Variants in TRAK1 observed in about 807,000 individuals in gnomAD.
TRAK1 encodes the protein trafficking kinesin-binding protein 1.
TRAK1 carries 33 observed loss-of-function variants against 92.1 expected under a neutral mutation model. The ratio of observed to expected loss-of-function variants is 0.36; its 90% CI spans 0.27 to 0.48. The LOEUF is 0.48. TRAK1 is among the 20% of genes least tolerant of loss of function. The probability of loss-of-function intolerance (pLI) is 0.99; values close to 1 mark genes in which losing one functional copy is unlikely to be tolerated. For missense variants in TRAK1, 1,123 were observed against 1,257.9 expected (o/e 0.89, Z 1.62); for synonymous variants, 521 against 517.3 (o/e 1.01, Z -0.10).
chr3:42,076,115 A>T (rs1434159512), intron 1 of TRAK1, among the ~76,000 whole-genome samples: 1 of 148,648 alleles, frequency 6.7e-6, no homozygotes, highest in Non-Finnish European at 1.5e-5. Context: ...AAGTGCTGGG[A>T]TTACAAGCAT....
intron 1 of TRAK1, among the ~76,000 whole-genome samples, chr3:42,035,762 G>GGCT (rs1235722839): frequency 6.6e-6 from 1 of 152,192 alleles, no homozygotes; most frequent in African/African-American, 2.4e-5. Context: ...GGGCAAAAGA[G>GGCT]GCTGCTGCCT....
At position 42,192,719 on chromosome 3, in the gene TRAK1, A is replaced by G. The variant is rs567335008; in HGVS notation, c.770-356A>G. 6.6e-5 allele frequency among the ~76,000 whole-genome samples: 10 copies of G among 152,312 alleles called. No individual in the cohort carries two copies. In the South Asian group the frequency reaches 1.0e-3, roughly 16 times the overall value. On this transcript the variant is annotated intron_variant, in intron 7 of 15. Transcript: ENST00000327628. ...GGGTTCTCTTGTGTGGAATGTGAGGATGTGGCTAGATGCACTCATGTTTTG... is the reference window on the plus strand; with the variant it reads ...GGGTTCTCTTGTGTGGAATGTGAGGGTGTGGCTAGATGCACTCATGTTTTG...
chr3:42,082,625 C>T, upstream of TRAK1, among the ~76,000 whole-genome samples: 1 of 151,176 alleles, frequency 6.6e-6, no homozygotes, highest in East Asian at 1.9e-4. Context: ...AAACAAAAAC[C>T]AGAGAAATCT....
chr3:42,149,799 C>T (rs968458281), intron 2 of TRAK1, among the ~76,000 whole-genome samples: 2 of 152,144 alleles, frequency 1.3e-5, no homozygotes, highest in East Asian at 1.9e-4. Flanking sequence ...GTGAAAGACT[C>T]CTGCAGTATG....
chr3:42,128,873 C>T (rs973484293), intron 2 of TRAK1, among the ~76,000 whole-genome samples: 5 of 152,036 alleles, frequency 3.3e-5, no homozygotes, highest in Admixed American at 1.3e-4. Context: ...GTGAAATGGA[C>T]GTGTGGAAGG....
At chr3:42,159,881 C>G (rs1455819902) in intron 2 of TRAK1, among the ~76,000 whole-genome samples, 3 of 152,240 alleles carry the variant, frequency 2.0e-5, no homozygotes, top group Admixed American at 2.0e-4. Context: ...GACAATTCCT[C>G]CGCCAGCGCC....
chr3:42,032,823 G>C (rs1478102930), intron 1 of TRAK1, among the ~76,000 whole-genome samples: 2 of 152,162 alleles, frequency 1.3e-5, no homozygotes, highest in African/African-American at 4.8e-5. Flanking sequence ...CTCAGAGGCC[G>C]AGGTGGGAGG....
At chr3:42,208,847 TG>T (rs1385129047) in intron 13 of TRAK1, among the ~76,000 whole-genome samples, 2 of 152,172 alleles carry the variant, frequency 1.3e-5, no homozygotes, top group Non-Finnish European at 2.9e-5. Context: ...AAGGGTAAAA[TG>T]GGTTGCTCTG....
At chr3:42,160,305 G>T in intron 2 of TRAK1, 1 of 1,598,586 alleles carries the variant, frequency 6.3e-7, no homozygotes, top group African/African-American at 1.3e-5. Context: ...GGGGGTCGGG[G>T]GCACCCCCAA....
At chr3:42,142,413 A>G (rs1576587459) in intron 2 of TRAK1, among the ~76,000 whole-genome samples, 1 of 152,148 alleles carries the variant, frequency 6.6e-6, no homozygotes, top group Admixed American at 6.5e-5. Context: ...TTTATTTTCT[A>G]GGAATTTGGG....
rs369435084 is a variant in TRAK1 at position 42,143,308 on chromosome 3, C to CT, written c.286+17708dup. Among the ~76,000 whole-genome samples the CT allele has an allele frequency of 3.7e-3, 512 of 139,212 alleles. 4 individuals are homozygous for CT. Among genetic ancestry groups the CT allele is most frequent in the Middle Eastern group, 0.023 (6 of 256 alleles). 91.3% of individuals were successfully genotyped at this position (139,212 alleles called of 152,430 possible). On this transcript the variant is annotated intron_variant, in intron 2 of 15. Transcript: ENST00000327628. Reference sequence around the variant, plus strand: ...TTTATCTTCTTTAATTGTACCTCTTCTTTTTTTTTTTTTTCTTTCAAATTC... The same window carrying CT: ...TTTATCTTCTTTAATTGTACCTCTTCTTTTTTTTTTTTTTTCTTTCAAATTC...
At chr3:42,212,176 G>A in intron 14 of TRAK1, 4 of 985,442 alleles carry the variant, frequency 4.1e-6, no homozygotes, top group Non-Finnish European at 4.8e-6. Context: ...TGGAGACACA[G>A]GCAGACAGAT....
rs1700758439 is a variant in TRAK1 at position 42,157,961 on chromosome 3, CTG to C, written c.287-18849_287-18848del. Among the ~76,000 whole-genome samples, 5 of 152,292 alleles carry C rather than the reference CTG, an allele frequency of 3.3e-5. No individual in the cohort carries two copies. The South Asian group carries it at 1.0e-3, about 32-fold the overall frequency. On this transcript the variant is annotated intron_variant, in intron 2 of 15. Coordinates refer to ENST00000327628, the MANE Select transcript of TRAK1 (RefSeq NM_001042646.3). ...CTTGTAACTTTTCTGTAAATCTGAA[CTG>C]TGTACCCCCCAAAAACAAAATATTC...
intron 1 of TRAK1, among the ~76,000 whole-genome samples, chr3:42,027,529 A>C (rs1265639247): frequency 1.3e-5 from 2 of 152,142 alleles, no homozygotes; most frequent in Non-Finnish European, 2.9e-5. Context: ...TCTGAAAAAA[A>C]AAAAAAGTAA....
intron 2 of TRAK1, among the ~76,000 whole-genome samples, chr3:42,165,798 C>T (rs138403896): frequency 2.4e-4 from 37 of 152,146 alleles, no homozygotes; most frequent in East Asian, 1.2e-3. Flanking sequence ...TCCTTGTCTC[C>T]GCTTGGGATT....
intron 2 of TRAK1, among the ~76,000 whole-genome samples, chr3:42,128,682 G>A (rs896027413): frequency 6.6e-6 from 1 of 152,210 alleles, no homozygotes; most frequent in Non-Finnish European, 1.5e-5. Flanking sequence ...AGTGGTATTA[G>A]CAGGACCTGT....
intron 1 of TRAK1, among the ~76,000 whole-genome samples, chr3:42,105,425 G>A (rs1205324345): frequency 6.6e-6 from 1 of 152,220 alleles, no homozygotes; most frequent in East Asian, 1.9e-4. Flanking sequence ...ATCAGTAATT[G>A]AAGATTAAGT....
intron 1 of TRAK1, among the ~76,000 whole-genome samples, chr3:42,062,429 A>G (rs1360403579): frequency 6.6e-6 from 1 of 152,208 alleles, no homozygotes; most frequent in African/African-American, 2.4e-5. Flanking sequence ...TACTTTTAGC[A>G]TTAAAAAATA....
At chr3:42,139,228 T>C (rs1169187716) in intron 2 of TRAK1, among the ~76,000 whole-genome samples, 2 of 152,190 alleles carry the variant, frequency 1.3e-5, no homozygotes, top group Non-Finnish European at 2.9e-5. Context: ...CCATTTTGTT[T>C]ACAGGCAAGG....
Sources: gnomAD v4.1 joint callset for allele counts (sites outside exome capture counted in the v4.1 genomes callset) on GRCh38, gnomAD v4.1.1 for gene constraint, MANE v1.5 for transcripts, NCBI Gene and HGNC (gene_info 2026-07-23, HGNC 2026-07-21) for gene names.